The following MYO3B variants were observed in gnomAD, a reference collection of about 807,000 sequenced individuals.
MYO3B encodes myosin IIIB, also known as myosin-IIIb.
Under a neutral mutation model 174.6 loss-of-function variants are expected in MYO3B, and 156 were observed. That is an observed-to-expected ratio of 0.89 (90% CI 0.78 to 1.02). The LOEUF is 1.02. Among genes scored for constraint, MYO3B ranks in the 50% least tolerant of loss-of-function variants. The pLI, the probability that MYO3B is intolerant of heterozygous loss-of-function variation, is 0.00. For missense variants in MYO3B, 1,632 were observed against 1,639.4 expected, an observed-to-expected ratio of 1.00 and a Z score of 0.08; for synonymous variants, 563 against 569.1, an observed-to-expected ratio of 0.99 and a Z score of 0.15.
intron 8 of MYO3B, among the ~76,000 whole-genome samples, chr2:170,336,781 A>C (rs2093949925): frequency 6.6e-6 from 1 of 152,164 alleles, no homozygotes. Context: ...ATTTGGCCCC[A>C]GGGGGTTTGT....
In MYO3B at chr2:170,402,833, T is replaced by C; in HGVS notation, c.2130-15T>C. On this transcript the variant is annotated splice_polypyrimidine_tract_variant and intron_variant, in intron 18 of 34. Transcript: ENST00000408978. ...TTTCCTCCCCTAAAGAGTTTTGTTCTTCTCTCTCATGCAGTAGTGCAGGAG... is the reference window on the plus strand; with the variant it reads ...TTTCCTCCCCTAAAGAGTTTTGTTCCTCTCTCTCATGCAGTAGTGCAGGAG... 6.3e-7 allele frequency: 1 copy of C among 1,589,120 alleles called. No homozygotes were observed. Among genetic ancestry groups the C allele is most frequent in the Non-Finnish European group, 8.6e-7 (1 of 1,161,902 alleles).
intron 32 of MYO3B, among the ~76,000 whole-genome samples, chr2:170,630,799 C>A (rs1696893448): frequency 6.6e-6 from 1 of 152,234 alleles, no homozygotes; most frequent in Admixed American, 6.5e-5. Context: ...CTCCAACAGA[C>A]CTGCAACTGA....
Position 170,372,118 on chromosome 2 carries a change from CAAAAAAAAAAAA to C in MYO3B, c.971+2757_971+2768del, listed in dbSNP as rs769243145. On this transcript the variant is annotated intron_variant, in intron 9 of 34. Transcript: ENST00000408978. ...TGGGCAACAGAGTGAGACCCTGTCT[CAAAAAAAAAAAA>C]AAAAAAAAAAAAAAACAACAACAAC... Among the ~76,000 whole-genome samples, 6 of 22,216 alleles carry C rather than the reference CAAAAAAAAAAAA, an allele frequency of 2.7e-4. No homozygotes were observed. The South Asian group carries it at 0.012, about 45-fold the overall frequency. 14.6% of individuals were successfully genotyped at this position (22,216 alleles called of 152,430 possible).
chr2:170,237,435 AT>A (rs1199534167), intron 7 of MYO3B, among the ~76,000 whole-genome samples: 2 of 143,862 alleles, frequency 1.4e-5, no homozygotes, highest in Non-Finnish European at 3.0e-5. Flanking sequence ...GATCATCTAT[AT>A]TTTTTTCCTT....
At chr2:170,566,589 A>G (rs369307835) in intron 32 of MYO3B, among the ~76,000 whole-genome samples, 1 of 152,272 alleles carries the variant, frequency 6.6e-6, no homozygotes, top group African/African-American at 2.4e-5. Flanking sequence ...AATTTCTTCA[A>G]TAACATTTTT....
chr2:170,495,624 C>G (rs1348180879), intron 25 of MYO3B, among the ~76,000 whole-genome samples: 1 of 151,146 alleles, frequency 6.6e-6, no homozygotes, highest in Non-Finnish European at 1.5e-5. Context: ...AAGTATAAAT[C>G]TTTGATTGGT....
chr2:170,404,362 A>G lies in MYO3B; in HGVS notation c.2393A>G (p.Glu798Gly). 1 of 1,613,756 alleles carries G rather than the reference A, an allele frequency of 6.2e-7. No homozygotes were observed. Among genetic ancestry groups the G allele is most frequent in the Non-Finnish European group, 8.5e-7 (1 of 1,179,868 alleles). Residue 798 changes from glutamate (E) to glycine (G), a missense_variant, in exon 20 of 35, where the codon GAA becomes GGA. By Grantham distance (98) the Glu-to-Gly change is moderately conservative (BLOSUM62 -2). Transcript: ENST00000408978. ...PLGLLALLDE[E>G]SRFPQATDQT... ...GGACTGCTTGCACTTTTGGATGAGG[A>G]AAGTCGGTTTCCCCAAGCAACTGAC... is the stretch of plus-strand genomic sequence containing the variant.
intron 32 of MYO3B, among the ~76,000 whole-genome samples, chr2:170,639,972 G>C (rs1173022289): frequency 1.3e-5 from 2 of 152,176 alleles, no homozygotes; most frequent in Non-Finnish European, 2.9e-5. Context: ...ATGGTGCCTA[G>C]AGCTTCCGCC....
At chr2:170,594,021 A>C (rs996286444) in intron 32 of MYO3B, among the ~76,000 whole-genome samples, 7 of 152,118 alleles carry the variant, frequency 4.6e-5, no homozygotes, top group Non-Finnish European at 8.8e-5. Flanking sequence ...CTTCCTTTGG[A>C]AAATTATACC....
At chr2:170,460,141 G>A (rs1007023080) in intron 23 of MYO3B, among the ~76,000 whole-genome samples, 13 of 152,236 alleles carry the variant, frequency 8.5e-5, no homozygotes, top group African/African-American at 2.4e-4. Flanking sequence ...AGGAGTCGCC[G>A]AGAGTAAGCG....
At chr2:170,366,644 A>C (rs17425473) in intron 8 of MYO3B, among the ~76,000 whole-genome samples, 34,422 of 152,104 alleles carry the variant, frequency 0.23, 3,948 homozygotes, top group Middle Eastern at 0.3. Context: ...TACTATCTTC[A>C]TTTTTTGGAT....
At chr2:170,247,079 C>T (rs895030381) in intron 7 of MYO3B, among the ~76,000 whole-genome samples, 1 of 152,218 alleles carries the variant, frequency 6.6e-6, no homozygotes, top group African/African-American at 2.4e-5. Context: ...GAGCCAAGAA[C>T]TTCCTTTTCT....
At chr2:170,422,979 T>TTTTC (rs1553488251) in intron 22 of MYO3B, among the ~76,000 whole-genome samples, 3 of 134,530 alleles carry the variant, frequency 2.2e-5, no homozygotes, top group Non-Finnish European at 4.8e-5. Context: ...CTTTCTTTCT[T>TTTTC]TTTTTTTTTT....
At chr2:170,596,587 C>T (rs891834077) in intron 32 of MYO3B, among the ~76,000 whole-genome samples, 5 of 152,314 alleles carry the variant, frequency 3.3e-5, no homozygotes, top group African/African-American at 1.2e-4. Context: ...ATGTTTTCTC[C>T]CACCCATGAG....
At chr2:170,621,318 T>G (rs1209987904) in intron 32 of MYO3B, among the ~76,000 whole-genome samples, 1 of 152,156 alleles carries the variant, frequency 6.6e-6, no homozygotes, top group African/African-American at 2.4e-5. Flanking sequence ...ATGAGTTAGT[T>G]CATATGGAGT....
chr2:170,518,237 T>C (rs1209438114), intron 29 of MYO3B, among the ~76,000 whole-genome samples: 1 of 152,188 alleles, frequency 6.6e-6, no homozygotes, highest in East Asian at 1.9e-4. Flanking sequence ...TCTATACTTT[T>C]TATTTATTTT....
At chr2:170,384,893 C>T (rs2094362557) in intron 12 of MYO3B, among the ~76,000 whole-genome samples, 1 of 152,160 alleles carries the variant, frequency 6.6e-6, no homozygotes, top group Non-Finnish European at 1.5e-5. Flanking sequence ...CAAGACTGTT[C>T]CCACTTTAGA....
chr2:170,609,336 G>A (rs1695000385), intron 32 of MYO3B, among the ~76,000 whole-genome samples: 1 of 152,064 alleles, frequency 6.6e-6, no homozygotes, highest in Non-Finnish European at 1.5e-5. Flanking sequence ...TGTCATACAA[G>A]CAGGTATTCC....
At position 170,401,538 on chromosome 2, in the gene MYO3B, G is replaced by C. The variant is rs748164653; in HGVS notation, c.1976G>C (p.Cys659Ser). The C allele has an allele frequency of 6.2e-7, 1 of 1,614,208 alleles. No homozygotes were observed. Among genetic ancestry groups the C allele is most frequent in the Admixed American group, 1.7e-5 (1 of 60,026 alleles). Residue 659 changes from cysteine to serine, a missense_variant, in exon 18 of 35, where the codon TGT (cysteine) becomes TCT (serine). Coordinates refer to ENST00000408978, the MANE Select transcript of MYO3B (RefSeq NM_138995.5). ...EELQEALTSH[C>S]VVTRGETIIR... ...CTCCAGGAGGCCCTCACCTCCCACTGTGTGGTCACCCGGGGCGAGACCATC... is the reference window on the plus strand; with the variant it reads ...CTCCAGGAGGCCCTCACCTCCCACTCTGTGGTCACCCGGGGCGAGACCATC...
Sources: allele counts gnomAD v4.1 joint callset (sites outside exome capture counted in the v4.1 genomes callset), GRCh38; gene constraint gnomAD v4.1.1; transcripts MANE v1.5; gene names NCBI Gene and HGNC (gene_info 2026-07-23, HGNC 2026-07-21).